The following SEMA5A variants were observed in gnomAD, a reference collection of about 807,000 sequenced individuals.
SEMA5A encodes semaphorin 5A.
A neutral mutation model predicts 135.5 loss-of-function variants in SEMA5A; 55 were observed. That is an observed-to-expected ratio of 0.41 (90% CI 0.33 to 0.51). The LOEUF is 0.51. Ranked by LOEUF, SEMA5A falls within the 20% of genes least tolerant of loss-of-function variation. The pLI is 0.37. For synonymous variants in SEMA5A, 580 were observed against 546.5 expected (o/e 1.06, Z -0.85); for missense variants, 1,290 against 1,419.9 (o/e 0.91, Z 1.47).
chr5:9,190,559 G>A, intron 10 of SEMA5A, 88 bp from the exon 11 acceptor site: 3 of 1,221,904 alleles, frequency 2.5e-6, no homozygotes, highest in Non-Finnish European at 2.4e-6. Context: ...AAGTAACTTG[G>A]AAATCAAGTA....
chr5:9,408,449 T>C (rs532707027), intron 2 of SEMA5A, among the ~76,000 whole-genome samples: 6 of 152,208 alleles, frequency 3.9e-5, no homozygotes, highest in East Asian at 1.9e-4. Flanking sequence ...TACCAACTTA[T>C]TAAGTCAAAC....
At chr5:9,103,552 T>G (rs538708258) in intron 16 of SEMA5A, among the ~76,000 whole-genome samples, 1 of 152,334 alleles carries the variant, frequency 6.6e-6, no homozygotes, top group South Asian at 2.1e-4. Flanking sequence ...ATCTCCCCTG[T>G]GCTCCCTGTT....
At chr5:9,331,403 A>G (rs1753125955) in intron 4 of SEMA5A, among the ~76,000 whole-genome samples, 1 of 152,248 alleles carries the variant, frequency 6.6e-6, no homozygotes, top group Admixed American at 6.5e-5. Context: ...ATGCTATGTT[A>G]AAATAATTGG....
intron 16 of SEMA5A, among the ~76,000 whole-genome samples, chr5:9,081,539 T>C (rs1738385861): frequency 6.6e-6 from 1 of 152,150 alleles, no homozygotes; most frequent in African/African-American, 2.4e-5. Context: ...CTCGCTATGA[T>C]ATTTCTCCAA....
At chr5:9,329,562 T>C (rs1008449899) in intron 4 of SEMA5A, among the ~76,000 whole-genome samples, 2 of 152,216 alleles carry the variant, frequency 1.3e-5, no homozygotes, top group African/African-American at 2.4e-5. Context: ...ACACAGAGTC[T>C]TGAAAGAAGA....
At chr5:9,080,280 C>T (rs1738303741) in intron 16 of SEMA5A, among the ~76,000 whole-genome samples, 1 of 152,140 alleles carries the variant, frequency 6.6e-6, no homozygotes, top group Non-Finnish European at 1.5e-5. Context: ...CCATCATTCT[C>T]AGCAAACTAA....
At chr5:9,389,542 T>C (rs1756056425) in intron 2 of SEMA5A, among the ~76,000 whole-genome samples, 1 of 152,158 alleles carries the variant, frequency 6.6e-6, no homozygotes, top group African/African-American at 2.4e-5. Flanking sequence ...GCTCAAGGGA[T>C]ACCCACCATT....
At chr5:9,324,632 A>C (rs1000926934) in intron 4 of SEMA5A, among the ~76,000 whole-genome samples, 2 of 152,228 alleles carry the variant, frequency 1.3e-5, no homozygotes, top group African/African-American at 4.8e-5. Context: ...ACAAAGTTAA[A>C]GGTTACAAAA....
intron 11 of SEMA5A, among the ~76,000 whole-genome samples, chr5:9,178,268 C>T (rs1242464144): frequency 6.6e-6 from 1 of 150,446 alleles, no homozygotes; most frequent in South Asian, 2.1e-4. Context: ...TTGGGTCTTA[C>T]AAAAGTGAGC....
chr5:9,307,707 C>A (rs2150632908), intron 5 of SEMA5A, among the ~76,000 whole-genome samples: 1 of 152,232 alleles, frequency 6.6e-6, no homozygotes, highest in African/African-American at 2.4e-5. Context: ...GCAGAGAATT[C>A]TGAGCATGCC....
intron 4 of SEMA5A, among the ~76,000 whole-genome samples, chr5:9,333,214 C>A (rs1753235445): frequency 6.6e-6 from 1 of 152,132 alleles, no homozygotes; most frequent in African/African-American, 2.4e-5. Flanking sequence ...ACCTAAATAG[C>A]CAGAAAGAGT....
intron 1 of SEMA5A, among the ~76,000 whole-genome samples, chr5:9,527,389 T>A (rs1201490574): frequency 6.6e-6 from 1 of 152,218 alleles, no homozygotes. Flanking sequence ...TCTTTCTTTT[T>A]TCCTACCATC....
intron 2 of SEMA5A, among the ~76,000 whole-genome samples, chr5:9,393,649 A>G (rs528057135): frequency 8.5e-5 from 13 of 152,368 alleles, no homozygotes; most frequent in Admixed American, 3.9e-4. Flanking sequence ...TTATAAACAA[A>G]TAAAGGCTAT....
chr5:9,284,543 T>C (rs1000077512), intron 5 of SEMA5A, among the ~76,000 whole-genome samples: 1 of 152,168 alleles, frequency 6.6e-6, no homozygotes, highest in African/African-American at 2.4e-5. Flanking sequence ...TTTTCTATAA[T>C]GGATTGGGCT....
chr5:9,137,271 C>T lies in SEMA5A; in HGVS notation c.1482-650G>A, dbSNP rs77579072. Among the ~76,000 whole-genome samples the T allele has an allele frequency of 6.6e-3, 1,001 of 152,250 alleles. 4 individuals carry two copies. The highest frequency in any genetic ancestry group is 0.01 in the Non-Finnish European group (705 of 68,014). On this transcript the variant is annotated intron_variant, in intron 12 of 22. Transcript: ENST00000382496. ...TTTCATTTGTTTACTGTAGCTTAAA[C>T]GTATTAAAATTTTCAATTTAATAGT...
At chr5:9,410,849 A>T (rs1236988660) in intron 2 of SEMA5A, among the ~76,000 whole-genome samples, 2 of 150,518 alleles carry the variant, frequency 1.3e-5, no homozygotes, top group African/African-American at 2.5e-5. Flanking sequence ...AAAAACAAAA[A>T]AAAATTTTAA....
At chr5:9,154,764 G>T in intron 11 of SEMA5A, 69 bp from the exon 12 acceptor site, 1 of 1,363,166 alleles carries the variant, frequency 7.3e-7, no homozygotes, top group Non-Finnish European at 1.0e-6. Context: ...TGGTTAAACA[G>T]AGTGTGCTGT....
rs146738052 is a variant in SEMA5A, at chr5:9,292,988, T to A, written c.270+25384A>T. On this transcript the variant is annotated intron_variant, in intron 5 of 22. Coordinates refer to ENST00000382496, the MANE Select transcript of SEMA5A (RefSeq NM_003966.3). Reference sequence around the variant, plus strand: ...TAGTGTGCAGGTGCAGAAACCCTGATGCGAAACGTGATCGAGGCGTTTCTT... The same window carrying A: ...TAGTGTGCAGGTGCAGAAACCCTGAAGCGAAACGTGATCGAGGCGTTTCTT... Among the ~76,000 whole-genome samples the A allele has an allele frequency of 4.9e-3, 748 of 152,330 alleles. 5 individuals carry two copies. Among genetic ancestry groups the A allele is most frequent in the Middle Eastern group, 0.014 (4 of 294 alleles).
At chr5:9,119,695 C>G (rs1000172684) in intron 14 of SEMA5A, among the ~76,000 whole-genome samples, 2 of 152,026 alleles carry the variant, frequency 1.3e-5, no homozygotes, top group African/African-American at 4.8e-5. Context: ...ACTATCAAAG[C>G]TTTAAAACGA....
Sources: gnomAD v4.1 joint callset for allele counts (sites outside exome capture counted in the v4.1 genomes callset) on GRCh38, gnomAD v4.1.1 for gene constraint, MANE v1.5 for transcripts, NCBI Gene and HGNC (gene_info 2026-07-23, HGNC 2026-07-21) for gene names.